The following GLIS3 variants were observed in gnomAD, a reference collection of about 807,000 sequenced individuals.
GLIS3 encodes GLIS family zinc finger 3, also known as zinc finger protein GLIS3.
In GLIS3, 53 loss-of-function variants were observed where a neutral mutation model predicts 78.6. The observed-to-expected ratio is 0.67, with a 90% CI of 0.54 to 0.85. The LOEUF (loss-of-function observed/expected upper bound fraction) is 0.85. GLIS3 is among the 40% of genes least tolerant of loss of function. The pLI, the probability that GLIS3 is intolerant of heterozygous loss-of-function variation, is 0.00. For synonymous variants in GLIS3, 684 were observed against 509.9 expected (o/e 1.34, Z -4.60); for missense variants, 1,703 against 1,231.1 (o/e 1.38, Z -5.74).
intron 2 of GLIS3, among the ~76,000 whole-genome samples, chr9:4,210,055 C>T (rs1324406354): frequency 6.6e-6 from 1 of 152,152 alleles, no homozygotes; most frequent in Non-Finnish European, 1.5e-5. Flanking sequence ...TTGGTGTCCC[C>T]AGTGCTGGTA....
chr9:4,350,008 C>G (rs1817944255), upstream of GLIS3, among the ~76,000 whole-genome samples: 1 of 152,192 alleles, frequency 6.6e-6, no homozygotes, highest in East Asian at 1.9e-4. Context: ...GAGACTTAGA[C>G]GGACCAAGAG....
chr9:4,391,932 T>C, the GLIS3 span, among the ~76,000 whole-genome samples: 2 of 152,180 alleles, frequency 1.3e-5, no homozygotes, highest in East Asian at 3.8e-4. Context: ...ATCATTCTAT[T>C]ATGAAGATAT....
intron 2 of GLIS3, among the ~76,000 whole-genome samples, chr9:4,255,941 G>A (rs1824893106): frequency 6.6e-6 from 1 of 152,176 alleles, no homozygotes; most frequent in African/African-American, 2.4e-5. Context: ...AATGGCGAAT[G>A]CTATGTATAT....
chr9:4,398,489 C>T, the GLIS3 span, among the ~76,000 whole-genome samples: 3 of 151,942 alleles, frequency 2.0e-5, no homozygotes, highest in Admixed American at 6.5e-5. Flanking sequence ...GGGTCGTGGA[C>T]ATTGCATTGA....
At chr9:4,225,206 G>A (rs761118727) in intron 2 of GLIS3, among the ~76,000 whole-genome samples, 3 of 152,026 alleles carry the variant, frequency 2.0e-5, no homozygotes, top group Non-Finnish European at 4.4e-5. Context: ...TCTAAGTCTT[G>A]CATTTTCCCC....
intron 2 of GLIS3, among the ~76,000 whole-genome samples, chr9:4,346,592 T>C (rs897981611): frequency 2.0e-5 from 3 of 152,200 alleles, no homozygotes; most frequent in African/African-American, 7.2e-5. Flanking sequence ...CCAGTCTCAG[T>C]TGCACCTTTA....
At chr9:4,351,411 A>G (rs1210752009), upstream of GLIS3, among the ~76,000 whole-genome samples, 2 of 152,022 alleles carry the variant, frequency 1.3e-5, no homozygotes, top group Admixed American at 6.6e-5. Context: ...AAAAAAAAAA[A>G]AAAGGGAGGG....
At chr9:4,392,123 T>A in the GLIS3 span, among the ~76,000 whole-genome samples, 1 of 151,916 alleles carries the variant, frequency 6.6e-6, no homozygotes, top group Non-Finnish European at 1.5e-5. Context: ...TGAAAGCAAT[T>A]AGCTTCAGCA....
chr9:4,004,715 T>G (rs1821402624), intron 4 of GLIS3, among the ~76,000 whole-genome samples: 1 of 152,190 alleles, frequency 6.6e-6, no homozygotes, highest in Non-Finnish European at 1.5e-5. Context: ...CATAGAACAC[T>G]GAAACAGATG....
intron 4 of GLIS3, among the ~76,000 whole-genome samples, chr9:4,085,818 G>A (rs572862547): frequency 9.9e-5 from 15 of 152,056 alleles, no homozygotes; most frequent in Admixed American, 5.2e-4. Flanking sequence ...TGTTCATGTC[G>A]CCTGCTTCCC....
intron 6 of GLIS3, among the ~76,000 whole-genome samples, chr9:3,915,340 A>G (rs1214596924): frequency 6.6e-6 from 1 of 152,146 alleles, no homozygotes; most frequent in Non-Finnish European, 1.5e-5. Flanking sequence ...ATCTAAGGAA[A>G]GTGTTGCAAG....
In GLIS3 at chr9:4,117,978, A is replaced by G. The variant is rs1441931545; in HGVS notation, c.1500T>C (p.His500=). 6.2e-7 allele frequency: 1 copy of G among 1,613,048 alleles called. No individual in the cohort carries two copies. The highest frequency in any genetic ancestry group is 8.5e-7 in the Non-Finnish European group (1 of 1,179,734). ...CGCTGCAGTCGATCCAGCGGCAGCA[A>G]TGCTTGCCCCCGATGCCGTCCATCT... ...DGEMDGIGGK[H]CCRWIDCSAL... is the part of the protein sequence containing the mutation. Residue 500 remains histidine (H), a synonymous_variant, in exon 4 of 11, where the codon CAT becomes CAC. Transcript: ENST00000381971.
chr9:4,386,756 C>T, the GLIS3 span, among the ~76,000 whole-genome samples: 1 of 152,100 alleles, frequency 6.6e-6, no homozygotes, highest in Non-Finnish European at 1.5e-5. Context: ...GGCTCTATTC[C>T]CAATGGAGAG....
At chr9:4,345,911 G>T (rs1417308628) in intron 2 of GLIS3, among the ~76,000 whole-genome samples, 1 of 152,082 alleles carries the variant, frequency 6.6e-6, no homozygotes, top group Admixed American at 6.5e-5. Context: ...AAAGAATATT[G>T]CTTTGATAAA....
chr9:3,961,464 T>C (rs751692793), intron 4 of GLIS3, among the ~76,000 whole-genome samples: 4 of 152,230 alleles, frequency 2.6e-5, no homozygotes, highest in Non-Finnish European at 4.4e-5. Flanking sequence ...CAGGTGGAAT[T>C]AAACATGTCA....
the GLIS3 span, among the ~76,000 whole-genome samples, chr9:4,361,084 T>C: frequency 6.6e-6 from 1 of 152,240 alleles, no homozygotes; most frequent in African/African-American, 2.4e-5. Context: ...TGTTATTGGA[T>C]GCTGTGGAAC....
At chr9:3,981,496 C>T (rs1218024321) in intron 4 of GLIS3, among the ~76,000 whole-genome samples, 2 of 152,092 alleles carry the variant, frequency 1.3e-5, no homozygotes, top group Non-Finnish European at 2.9e-5. Flanking sequence ...TGGAAGCCCT[C>T]CCTGACCCCA....
At chr9:4,084,867 T>C (rs900195529) in intron 4 of GLIS3, among the ~76,000 whole-genome samples, 1 of 151,938 alleles carries the variant, frequency 6.6e-6, no homozygotes. Context: ...TCCAAAATGC[T>C]TGGCATTGTG....
the GLIS3 span, among the ~76,000 whole-genome samples, chr9:4,450,043 C>T: frequency 3.3e-5 from 5 of 152,234 alleles, no homozygotes; most frequent in East Asian, 9.6e-4. Flanking sequence ...TAATAACAAA[C>T]TTCTCCAAGC....
Sources: allele counts gnomAD v4.1 joint callset (sites outside exome capture counted in the v4.1 genomes callset), GRCh38; gene constraint gnomAD v4.1.1; transcripts MANE v1.5; gene names NCBI Gene and HGNC (gene_info 2026-07-23, HGNC 2026-07-21).